SETD1B: variants seen among roughly 807,000 people sequenced by gnomAD.
The protein encoded by SETD1B is histone-lysine N-methyltransferase SETD1B.
In SETD1B, 7 loss-of-function variants were observed where a neutral mutation model predicts 148.0. The ratio of observed to expected loss-of-function variants is 0.05; its 90% CI spans 0.03 to 0.09. The LOEUF is 0.09. SETD1B is among the 10% of genes least tolerant of loss of function. The pLI is 1.00. For synonymous variants in SETD1B, 1,361 were observed against 1,186.5 expected, an observed-to-expected ratio of 1.15 and a Z score of -3.02; for missense variants, 2,155 against 2,729.9, an observed-to-expected ratio of 0.79 and a Z score of 4.69.
intron 7 of SETD1B, among the ~76,000 whole-genome samples, chr12:121,816,443 T>C (rs1331040661): frequency 1.3e-5 from 2 of 152,238 alleles, no homozygotes; most frequent in Non-Finnish European, 2.9e-5. Flanking sequence ...CACAGCTCTT[T>C]ATGGTTCAGC....
chr12:121,805,687 AAAT>A lies in SETD1B; in HGVS notation c.274-147_274-145del. 1.5e-6 allele frequency: 1 copy of A among 688,370 alleles called. No individual in the cohort carries two copies. Among genetic ancestry groups the A allele is most frequent in the Non-Finnish European group, 2.0e-6 (1 of 502,986 alleles). The allele number at this position is 688,370 out of a possible 1,614,324, so 42.6% of individuals were successfully genotyped here. A position where few individuals can be genotyped will look rare whatever the true frequency, so the allele number is the denominator to read the frequency against. ...CGCGTGCATTTTTTTTTTCCAAAAA[AAAT>A]TTTTTTTTTTTTTTTAATTTTTAGT... On this transcript the variant is annotated intron_variant, in intron 3 of 16. Transcript: ENST00000604567. This position sits in a 1 kb window ranked among gnomAD's most constrained non-coding sequence, Gnocchi z 4.2.
rs1372624063 is a variant in SETD1B at position 121,825,331 on chromosome 12, C to T, written c.5302C>T (p.Arg1768Cys). The T allele has an allele frequency of 4.5e-6, 7 of 1,551,242 alleles. No individual in the cohort carries two copies. Among genetic ancestry groups the T allele is most frequent in the African/African-American group, 1.4e-5 (1 of 73,068 alleles). Residue 1768 changes from arginine (R) to cysteine (C), a missense_variant, in exon 13 of 17, where the codon CGT (arginine) becomes TGT (cysteine). Physicochemically the swap from Arg to Cys is radical, Grantham distance 180. This residue lies in a region of SETD1B where 96 missense variants were observed against 148.7 expected (regional missense o/e 0.65). Transcript: ENST00000604567. ...CAAGCTCAGATACCTCAACAGCAGC[C>T]GTGCCAGCACCGATGAGCCCCCCGC... ...KDKLRYLNSSRASTDEPPADT... is the reference protein window; with the variant it reads ...KDKLRYLNSSCASTDEPPADT...
chr12:121,806,799 C>T (rs1175548749), intron 4 of SETD1B, among the ~76,000 whole-genome samples: 1 of 152,238 alleles, frequency 6.6e-6, no homozygotes, highest in Non-Finnish European at 1.5e-5. Flanking sequence ...CTCTCTGGAG[C>T]TGGCTGGGGA....
chr12:121,804,190 A>C lies in SETD1B; in HGVS notation c.-58A>C. On this transcript the variant is annotated 5_prime_UTR_variant, in exon 1 of 17. An upstream start codon of the reference 5' UTR is lost. Coordinates refer to ENST00000604567, the MANE Select transcript of SETD1B (RefSeq NM_001353345.2). This position sits in a 1 kb window ranked among gnomAD's most constrained non-coding sequence, Gnocchi z 4.6. ...GGCCTCGGCTCCCTCGGGGGACACC[A>C]TGTACTGGCTGGCGGCGCAGGGAGG... The C allele has an allele frequency of 6.8e-6, 1 of 147,620 alleles. No homozygotes were observed. The highest frequency in any genetic ancestry group is 1.5e-5 in the Non-Finnish European group (1 of 66,050). The allele number at this position is 147,620 out of a possible 1,614,324, so 9.1% of individuals were successfully genotyped here.
rs1158552243 is a variant in SETD1B at position 121,823,466 on chromosome 12, T to C, written c.4887T>C (p.Thr1629=). Reference sequence around the variant, plus strand: ...GCCCCCGTGGGCGCGATGAGGTCACTGAGGAATACATGGAGTTGGCCAAGA... The same window carrying C: ...GCCCCCGTGGGCGCGATGAGGTCACCGAGGAATACATGGAGTTGGCCAAGA... The part of the protein sequence containing the change: ...PPGPRGRDEV[T]EEYMELAKSR... Residue 1629 remains threonine, a synonymous_variant, in exon 12 of 17, where the codon ACT becomes ACC. Coordinates refer to ENST00000604567, the MANE Select transcript of SETD1B (RefSeq NM_001353345.2). The C allele has an allele frequency of 1.3e-5, 20 of 1,550,116 alleles. No individual in the cohort carries two copies. The Admixed American group carries it at 3.9e-4, about 30-fold the overall frequency.
intron 11 of SETD1B, among the ~76,000 whole-genome samples, chr12:121,820,593 G>C (rs1876520063): frequency 6.6e-6 from 1 of 152,060 alleles, no homozygotes; most frequent in South Asian, 2.1e-4. Context: ...GAGTGCAGTG[G>C]CACGATCTCG....
Position 121,823,093 on chromosome 12 carries a change from C to A in SETD1B, c.4514C>A (p.Pro1505His), listed in dbSNP as rs2137579112. Residue 1505 changes from proline to histidine, a missense_variant, in exon 12 of 17, where the codon CCC (proline) becomes CAC (histidine). By Grantham distance (77) the Pro-to-His change is moderately conservative. Around this residue, in one of 11 missense-constraint regions of SETD1B, gnomAD observed 862 missense variants for 873.8 expected, o/e 0.99. Transcript: ENST00000604567. Reference protein sequence around the residue: ...RAPTPLPPLLPAPLASCPPPM... With the variant: ...RAPTPLPPLLHAPLASCPPPM... Reference sequence around the variant, plus strand: ...CCCACCCCGCTGCCACCCCTGCTGCCCGCCCCCCTGGCCTCTTGCCCTCCC... The same window carrying A: ...CCCACCCCGCTGCCACCCCTGCTGCACGCCCCCCTGGCCTCTTGCCCTCCC... 1 of 1,512,504 alleles carries A rather than the reference C, an allele frequency of 6.6e-7. No individual in the cohort carries two copies. The allele number at this position is 1,512,504 out of a possible 1,614,324, so 93.7% of individuals were successfully genotyped here. A position where few individuals can be genotyped will look rare whatever the true frequency, so the allele number is the denominator to read the frequency against.
intron 7 of SETD1B, among the ~76,000 whole-genome samples, chr12:121,816,807 A>G (rs7974348): frequency 0.23 from 35,310 of 152,112 alleles, 4,771 homozygotes; most frequent in African/African-American, 0.38. Flanking sequence ...GAAGGCAGGT[A>G]CAGTAGTCCT....
At chr12:121,814,990 G>T (rs1876222696) in intron 7 of SETD1B, 60 bp downstream of exon 7, 6 of 1,412,916 alleles carry the variant, frequency 4.2e-6, no homozygotes, top group Non-Finnish European at 4.8e-6. Flanking sequence ...GTCCCCAGCC[G>T]GGCACCTCCT....
Position 121,804,548 on chromosome 12 carries a change from G to A in SETD1B, c.-14-176G>A, listed in dbSNP as rs999572754. On this transcript the variant is annotated intron_variant, in intron 1 of 16. Transcript: ENST00000604567. The surrounding 1 kb of genome is among the most constrained non-coding windows in gnomAD (Gnocchi z 4.6). ...GGGCGGGCGCGTAATTCTCCCGGAA[G>A]GGTTATTCTCTCGCTCCATTCTTGT... Among the ~76,000 whole-genome samples the A allele has an allele frequency of 1.2e-4, 18 of 151,678 alleles. 1 individual carries two copies. The East Asian group carries it at 3.3e-3, about 28-fold the overall frequency.
In SETD1B at chr12:121,830,451, A is replaced by G. The variant is rs981922541; in HGVS notation, c.*212A>G. 8.0e-6 allele frequency: 4 copies of G among 501,770 alleles called. No individual in the cohort carries two copies. Among genetic ancestry groups the G allele is most frequent in the Non-Finnish European group, 1.1e-5 (3 of 281,698 alleles). 31.1% of individuals were successfully genotyped at this position (501,770 alleles called of 1,614,324 possible). ...AAAGGGCTTCTCTGTCGTTCAGCCCACGTCTCTCTCATTTTAACAAACGCC... is the reference window on the plus strand; with the variant it reads ...AAAGGGCTTCTCTGTCGTTCAGCCCGCGTCTCTCTCATTTTAACAAACGCC... On this transcript the variant is annotated 3_prime_UTR_variant, in exon 17 of 17. Transcript: ENST00000604567. The surrounding 1 kb of genome is among the most constrained non-coding windows in gnomAD (Gnocchi z 5.7).
chr12:121,797,397 C>T, the SETD1B span: 8 of 449,070 alleles, frequency 1.8e-5, no homozygotes, highest in Non-Finnish European at 2.2e-5. Context: ...GTGGGCGGGG[C>T]GCCCTCGAGG....
At position 121,823,499 on chromosome 12, in the gene SETD1B, G is replaced by A. The variant is rs1278959137; in HGVS notation, c.4920G>A (p.Gly1640=). ...ACATGGAGTTGGCCAAGAGCCGGGG[G>A]CCGTGGCGCCGGCCACCTAAGAAGC... The part of the protein sequence containing the change: ...EEYMELAKSR[G]PWRRPPKKRH... The change falls in exon 12 of 17, where the codon GGG becomes GGA. Residue 1640 remains glycine, a synonymous_variant. Transcript: ENST00000604567. The A allele has an allele frequency of 1.3e-6, 2 of 1,550,598 alleles. No homozygotes were observed. Among genetic ancestry groups the A allele is most frequent in the Non-Finnish European group, 1.7e-6 (2 of 1,146,868 alleles).
At chr12:121,793,600 C>A in the SETD1B span, 13 of 1,551,252 alleles carry the variant, frequency 8.4e-6, no homozygotes, top group Non-Finnish European at 1.1e-5. Context: ...GGACCGGGGG[C>A]GGCGGTCTGG....
chr12:121,791,380 C>T, the SETD1B span, among the ~76,000 whole-genome samples: 5 of 152,168 alleles, frequency 3.3e-5, no homozygotes, highest in African/African-American at 1.2e-4. Context: ...CCTCATGACC[C>T]TCTTAGTGCT....
Position 121,805,553 on chromosome 12 carries a change from C to T in SETD1B, c.274-282C>T, listed in dbSNP as rs1169847067. ...CTGACCCGGCAGCAGGAAGAGAAGGCCAGAAAGGGGGGTGGGGAAAGAGAA... is the reference window on the plus strand; with the variant it reads ...CTGACCCGGCAGCAGGAAGAGAAGGTCAGAAAGGGGGGTGGGGAAAGAGAA... On this transcript the variant is annotated intron_variant, in intron 3 of 16. Coordinates refer to ENST00000604567, the MANE Select transcript of SETD1B (RefSeq NM_001353345.2). The surrounding 1 kb of genome is among the most constrained non-coding windows in gnomAD (Gnocchi z 4.2). 2.0e-5 allele frequency among the ~76,000 whole-genome samples: 3 copies of T among 152,044 alleles called. No homozygotes were observed. The highest frequency in any genetic ancestry group is 4.4e-5 in the Non-Finnish European group (3 of 67,996).
chr12:121,819,694 G>A lies in SETD1B; in HGVS notation c.3709G>A (p.Glu1237Lys), dbSNP rs1024820256. The A allele has an allele frequency of 7.1e-6, 11 of 1,551,028 alleles. No homozygotes were observed. The highest frequency in any genetic ancestry group is 2.0e-5 in the Admixed American group (1 of 50,986). Residue 1237 changes from glutamate to lysine, a missense_variant, in exon 11 of 17, where the codon GAG (glutamate) becomes AAG (lysine). Around this residue, in one of 11 missense-constraint regions of SETD1B, gnomAD observed 862 missense variants for 873.8 expected, o/e 0.99. Transcript: ENST00000604567. Reference protein sequence around the residue: ...SLGMEEEVDIETEAVAPEERP... With the variant: ...SLGMEEEVDIKTEAVAPEERP... ...GGGCATGGAAGAGGAGGTGGACATC[G>A]AGACTGAGGCTGTGGCCCCTGAGGA...
chr12:121,794,354 C>T, the SETD1B span: 1 of 152,286 alleles, frequency 6.6e-6, no homozygotes, highest in Admixed American at 6.5e-5. Context: ...CGGGCAATCG[C>T]CTCGGCGCCG....
rs1170464904 is a variant in SETD1B, at chr12:121,805,268, G to A, written c.273+52G>A. 3 of 1,408,040 alleles carry A rather than the reference G, an allele frequency of 2.1e-6. No homozygotes were observed. Among genetic ancestry groups the A allele is most frequent in the East Asian group, 2.5e-5 (1 of 40,052 alleles). The allele number at this position is 1,408,040 out of a possible 1,614,324, so 87.2% of individuals were successfully genotyped here. A position where few individuals can be genotyped will look rare whatever the true frequency, so the allele number is the denominator to read the frequency against. ...GTCCCTCCCCCACCTCCCCGAGTTC[G>A]AAAATAACGCCAGTCCTGACCGAGC... On this transcript the variant is annotated intron_variant, in intron 3 of 16. Coordinates refer to ENST00000604567, the MANE Select transcript of SETD1B (RefSeq NM_001353345.2). The surrounding 1 kb of genome is among the most constrained non-coding windows in gnomAD (Gnocchi z 4.2).
Sources: allele counts gnomAD v4.1 joint callset (sites outside exome capture counted in the v4.1 genomes callset), GRCh38; gene constraint gnomAD v4.1.1; regional missense constraint gnomAD v4.1.1; non-coding constraint Gnocchi (gnomAD v3.1); transcripts MANE v1.5; gene names NCBI Gene and HGNC (gene_info 2026-07-23, HGNC 2026-07-21).